The following EYA4 variants were observed in gnomAD, a reference collection of about 807,000 sequenced individuals.
EYA4 encodes the protein EYA transcriptional coactivator and phosphatase 4.
Under a neutral mutation model 87.9 loss-of-function variants are expected in EYA4, and 31 were observed. That is an observed-to-expected ratio of 0.35 (90% CI 0.27 to 0.48). EYA4 has a LOEUF of 0.48. Ranked by LOEUF, EYA4 falls within the 20% of genes least tolerant of loss-of-function variation. The probability of loss-of-function intolerance (pLI) is 0.99; values close to 1 mark genes in which losing one functional copy is unlikely to be tolerated. For missense variants in EYA4, 678 were observed against 761.4 expected (o/e 0.89, Z 1.29); for synonymous variants, 263 against 270.6 (o/e 0.97, Z 0.28).
At chr6:133,380,821 C>T (rs1318379172) in intron 2 of EYA4, among the ~76,000 whole-genome samples, 2 of 151,436 alleles carry the variant, frequency 1.3e-5, no homozygotes, top group African/African-American at 2.4e-5. Context: ...CTTTTCTCCT[C>T]CTACGCCTTA....
intron 2 of EYA4, among the ~76,000 whole-genome samples, chr6:133,337,827 A>C (rs1024331254): frequency 1.3e-5 from 2 of 152,066 alleles, no homozygotes; most frequent in Admixed American, 6.6e-5. Context: ...ATTTGTTCAG[A>C]TATCCACAAA....
At position 133,446,695 on chromosome 6, in the gene EYA4, G is replaced by T; in HGVS notation, c.149G>T (p.Ser50Ile). The T allele has an allele frequency of 6.2e-7, 1 of 1,613,968 alleles. No homozygotes were observed. The highest frequency in any genetic ancestry group is 8.5e-7 in the Non-Finnish European group (1 of 1,179,870). Residue 50 changes from serine to isoleucine, a missense_variant, in exon 4 of 20, where the codon AGC becomes ATC. Transcript: ENST00000355286. ...GTTGGAGGTGGTGATACTCCAGGTA[G>T]CTCCAAACTGGAAAAATCTAATCTC... Reference protein sequence around the residue: ...TLVGGGDTPGSSKLEKSNLSS... With the variant: ...TLVGGGDTPGISKLEKSNLSS...
At chr6:133,292,860 C>T (rs918447545) in intron 2 of EYA4, among the ~76,000 whole-genome samples, 1 of 152,242 alleles carries the variant, frequency 6.6e-6, no homozygotes, top group Non-Finnish European at 1.5e-5. Flanking sequence ...GCTTGAAGAG[C>T]AAGTAGAGAT....
intron 2 of EYA4, among the ~76,000 whole-genome samples, chr6:133,302,433 CA>C (rs1223786786): frequency 6.6e-5 from 10 of 152,144 alleles, no homozygotes; most frequent in African/African-American, 2.2e-4. Flanking sequence ...AAATTCATAA[CA>C]CTTTTGGCAG....
At chr6:133,246,736 A>G (rs1774440097) in intron 1 of EYA4, 1 of 152,214 alleles carries the variant, frequency 6.6e-6, no homozygotes. Context: ...CACCATCATA[A>G]CATCATAGCT....
At chr6:133,493,591 AATGGGAGGC>A (rs1160212402) in intron 13 of EYA4, among the ~76,000 whole-genome samples, 1 of 152,198 alleles carries the variant, frequency 6.6e-6, no homozygotes, top group African/African-American at 2.4e-5. Context: ...AAAATGGATA[AATGGGAGGC>A]ATCAAGTTAA....
chr6:133,483,731 ATTATTATT>A (rs1796451898), intron 13 of EYA4, among the ~76,000 whole-genome samples: 1 of 141,590 alleles, frequency 7.1e-6, no homozygotes, highest in Admixed American at 7.0e-5. Context: ...TATTATTATT[ATTATTATT>A]TTGAGACAAA....
rs756773330 is a variant in EYA4 at position 133,446,707 on chromosome 6, A to T, written c.161A>T (p.Glu54Val). Residue 54 changes from glutamate to valine, a missense_variant, in exon 4 of 20, where the codon GAA becomes GTA. Transcript: ENST00000355286. ...GATACTCCAGGTAGCTCCAAACTGG[A>T]AAAATCTAATCTCAGCAGCACATCA... ...GGDTPGSSKL[E>V]KSNLSSTSVT... 1.9e-6 allele frequency: 3 copies of T among 1,614,054 alleles called. No individual in the cohort carries two copies. The East Asian group carries it at 6.7e-5, about 36-fold the overall frequency.
At chr6:133,333,812 A>G (rs1397810455) in intron 2 of EYA4, among the ~76,000 whole-genome samples, 1 of 152,186 alleles carries the variant, frequency 6.6e-6, no homozygotes, top group East Asian at 1.9e-4. Flanking sequence ...TGTAGTGAGT[A>G]ATATCTGATT....
chr6:133,396,150 CATTT>C (rs1787777195), intron 3 of EYA4, among the ~76,000 whole-genome samples: 1 of 152,068 alleles, frequency 6.6e-6, no homozygotes, highest in Non-Finnish European at 1.5e-5. Context: ...ATAATTGTTC[CATTT>C]TTTTAGGCTT....
intron 14 of EYA4, among the ~76,000 whole-genome samples, chr6:133,512,434 C>A (rs965669080): frequency 4.6e-5 from 7 of 152,170 alleles, no homozygotes; most frequent in Admixed American, 3.9e-4. Flanking sequence ...AAGAGAATTT[C>A]TTATCAATAA....
chr6:133,500,569 C>T (rs1451922777), intron 13 of EYA4, among the ~76,000 whole-genome samples: 1 of 152,076 alleles, frequency 6.6e-6, no homozygotes, highest in East Asian at 1.9e-4. Context: ...TCTGTACAAA[C>T]CTCCTCAATT....
intron 1 of EYA4, among the ~76,000 whole-genome samples, chr6:133,252,720 TATATG>T (rs1394273961): frequency 6.6e-6 from 1 of 152,180 alleles, no homozygotes; most frequent in Non-Finnish European, 1.5e-5. Context: ...ATATTATAAA[TATATG>T]ATTAGACTAA....
intron 3 of EYA4, among the ~76,000 whole-genome samples, chr6:133,440,034 C>T (rs1242304203): frequency 1.3e-5 from 2 of 152,170 alleles, no homozygotes; most frequent in East Asian, 3.9e-4. Flanking sequence ...AGGACCAAGC[C>T]CTGCGCCATC....
chr6:133,351,567 A>G (rs73559624), intron 2 of EYA4, among the ~76,000 whole-genome samples: 8,224 of 152,226 alleles, frequency 0.054, 715 homozygotes, highest in African/African-American at 0.18. Context: ...CAGTCCAGAA[A>G]GCTACTGTAG....
intron 3 of EYA4, among the ~76,000 whole-genome samples, chr6:133,415,526 C>T (rs1027014791): frequency 1.3e-5 from 2 of 152,086 alleles, no homozygotes; most frequent in African/African-American, 4.8e-5. Flanking sequence ...AATTTTCTTC[C>T]CTCTGGTATC....
chr6:133,488,858 A>G lies in EYA4; in HGVS notation c.1191+5743A>G, dbSNP rs1796900237. On this transcript the variant is annotated intron_variant, in intron 13 of 19. Transcript: ENST00000355286. ...ATACCTAACTCTTCAATGTTCAGAC[A>G]CTGGTGGGCATCCACAATCATTAAG... Among the ~76,000 whole-genome samples, 3 of 152,318 alleles carry G rather than the reference A, an allele frequency of 2.0e-5. No individual in the cohort carries two copies. The South Asian group carries it at 6.2e-4, about 32-fold the overall frequency.
chr6:133,247,772 G>A (rs1774533646), intron 1 of EYA4: 1 of 151,822 alleles, frequency 6.6e-6, no homozygotes, highest in Non-Finnish European at 1.5e-5. Context: ...GATGTAGGTA[G>A]CCTGAGAATG....
intron 3 of EYA4, among the ~76,000 whole-genome samples, chr6:133,433,543 AG>A (rs1295609542): frequency 3.3e-5 from 5 of 152,142 alleles, no homozygotes; most frequent in African/African-American, 7.2e-5. Context: ...TTTAGTAGAG[AG>A]GGGGTTTCAC....
Sources: gnomAD v4.1 joint callset for allele counts (sites outside exome capture counted in the v4.1 genomes callset) on GRCh38, gnomAD v4.1.1 for gene constraint, MANE v1.5 for transcripts, NCBI Gene and HGNC (gene_info 2026-07-23, HGNC 2026-07-21) for gene names.